Variants in SNAPC4 observed in about 807,000 individuals in gnomAD.
The protein encoded by SNAPC4 is small nuclear RNA activating complex polypeptide 4, also known as snRNA-activating protein complex subunit 4.
SNAPC4 carries 127 observed loss-of-function variants against 151.3 expected under a neutral mutation model. That is an observed-to-expected ratio of 0.84 (90% CI 0.73 to 0.97). SNAPC4 has a LOEUF of 0.97. Among genes scored for constraint, SNAPC4 ranks in the 50% least tolerant of loss-of-function variants. SNAPC4 has a pLI of 0.00. For synonymous variants in SNAPC4, 1,002 were observed against 824.4 expected (o/e 1.22, Z -3.69); for missense variants, 2,186 against 1,935.0 (o/e 1.13, Z -2.43).
chr9:136,398,546 G>T, intron 1 of SNAPC4, 109 bp from the exon 2 acceptor site: 2 of 1,234,920 alleles, frequency 1.6e-6, no homozygotes, highest in Non-Finnish European at 2.3e-6. Context: ...GCTCGGCAGT[G>T]GGCACTGGGC....
Position 136,378,482 on chromosome 9 carries a change from G to A in SNAPC4, c.3345C>T (p.Pro1115=). Residue 1115 remains proline, a synonymous_variant, in exon 22 of 24, where the codon CCC becomes CCT. Coordinates refer to ENST00000684778, the MANE Select transcript of SNAPC4 (RefSeq NM_003086.4). ...PAGLLATLLP[P]LTETRAAQGP... ...CCTGGGCCGCCCGAGTCTCAGTCAG[G>A]GGAGGCAGCAGAGTGGCCAGCAGCC... The A allele has an allele frequency of 6.3e-7, 1 of 1,591,490 alleles. No homozygotes were observed. The highest frequency in any genetic ancestry group is 8.5e-7 in the Non-Finnish European group (1 of 1,174,134).
chr9:136,377,907 G>C lies in SNAPC4; in HGVS notation c.3920C>G (p.Ala1307Gly). ...LGSRLPYQPP[A>G]LCSLRALSGL... ...GGACAGAGCTCGCAGGCTGCACAGGGCTGGGGGCTGATAGGGCAGTCTGCT... is the reference window on the plus strand; with the variant it reads ...GGACAGAGCTCGCAGGCTGCACAGGCCTGGGGGCTGATAGGGCAGTCTGCT... Residue 1307 changes from alanine to glycine, a missense_variant, in exon 22 of 24, where the codon GCC becomes GGC. Physicochemically the swap from Ala to Gly is moderately conservative, Grantham distance 60. Transcript: ENST00000684778. 2 of 1,610,994 alleles carry C rather than the reference G, an allele frequency of 1.2e-6. No individual in the cohort carries two copies. Among genetic ancestry groups the C allele is most frequent in the South Asian group, 1.1e-5 (1 of 91,054 alleles).
Position 136,388,376 on chromosome 9 carries a change from C to A in SNAPC4, c.1123+68G>T, listed in dbSNP as rs1833960577. ...GTTGCTTCTCTGTGAATTTTCCCTG[C>A]AAGTCTCCAGTGTCCTGATATGGGG... On this transcript the variant is annotated intron_variant, in intron 11 of 23. Transcript: ENST00000684778. The A allele has an allele frequency of 5.2e-6, 8 of 1,524,152 alleles. No individual in the cohort carries two copies. The African/African-American group carries it at 5.5e-5, about 10-fold the overall frequency. 94.4% of individuals were successfully genotyped at this position (1,524,152 alleles called of 1,614,324 possible). A position where few individuals can be genotyped will look rare whatever the true frequency, so the allele number is the denominator to read the frequency against.
chr9:136,388,267 CAAA>C (rs35543525), intron 11 of SNAPC4, among the ~76,000 whole-genome samples, 174 bp downstream of exon 11: 2 of 108,872 alleles, frequency 1.8e-5, no homozygotes, highest in African/African-American at 3.7e-5. Flanking sequence ...AACTCCATCT[CAAA>C]AAAAAAAAAA....
At position 136,377,912 on chromosome 9, in the gene SNAPC4, G is replaced by C; in HGVS notation, c.3915C>G (p.Pro1305=). Residue 1305 remains proline, a synonymous_variant, in exon 22 of 24, where the codon CCC becomes CCG. Coordinates refer to ENST00000684778, the MANE Select transcript of SNAPC4 (RefSeq NM_003086.4). ...PLLGSRLPYQ[P]PALCSLRALS... ...GAGCTCGCAGGCTGCACAGGGCTGG[G>C]GGCTGATAGGGCAGTCTGCTGCCCA... is the stretch of plus-strand genomic sequence containing the variant. 6.2e-7 allele frequency: 1 copy of C among 1,610,642 alleles called. No individual in the cohort carries two copies. The highest frequency in any genetic ancestry group is 1.7e-4 in the Middle Eastern group (1 of 5,938).
At chr9:136,380,667 C>G in intron 20 of SNAPC4, 73 bp downstream of exon 20, 1 of 840,130 alleles carries the variant, frequency 1.2e-6, no homozygotes, top group Non-Finnish European at 2.0e-6. Flanking sequence ...GGGCAGCCAG[C>G]CTCCGTGGAA....
chr9:136,392,977 G>A (rs12347633), intron 7 of SNAPC4, among the ~76,000 whole-genome samples, 200 bp from the exon 8 acceptor site: 1 of 152,334 alleles, frequency 6.6e-6, no homozygotes, highest in Non-Finnish European at 1.5e-5. Flanking sequence ...AAGGGCTGCA[G>A]TGTCTGCTGA....
At position 136,383,258 on chromosome 9, in the gene SNAPC4, A is replaced by G. The variant is rs1399681687; in HGVS notation, c.1911T>C (p.Pro637=). The G allele has an allele frequency of 1.2e-6, 2 of 1,607,782 alleles. No individual in the cohort carries two copies. Among genetic ancestry groups the G allele is most frequent in the East Asian group, 4.5e-5 (2 of 44,798 alleles). ...PVQVPARAHG[P]VPRSAQASHS... is the part of the protein sequence containing the mutation. ...GGGAGGCCTGGGCAGACCTCGGGACAGGGCCGTGGGCCCTGGCAGGGACCT... is the reference window on the plus strand; with the variant it reads ...GGGAGGCCTGGGCAGACCTCGGGACGGGGCCGTGGGCCCTGGCAGGGACCT... The change falls in exon 16 of 24, where the codon CCT becomes CCC. Residue 637 remains proline, a synonymous_variant. Transcript: ENST00000684778. This position sits in a 1 kb window ranked among gnomAD's most constrained non-coding sequence, Gnocchi z 4.2.
At chr9:136,384,865 C>T (rs1268184165) in intron 13 of SNAPC4, 51 bp from the exon 14 acceptor site, 16 of 957,362 alleles carry the variant, frequency 1.7e-5, no homozygotes, top group Non-Finnish European at 2.1e-5. Context: ...AGACGCCGCC[C>T]GCTGCTGCCC....
At chr9:136,394,700 C>T (rs1834197937) in intron 6 of SNAPC4, 100 bp downstream of exon 6, 5 of 1,085,862 alleles carry the variant, frequency 4.6e-6, no homozygotes, top group South Asian at 4.1e-5. Context: ...GAGGTCACAA[C>T]AGAGAGAGGT....
chr9:136,398,453 A>C lies in SNAPC4; in HGVS notation c.-9-16T>G. Reference sequence around the variant, plus strand: ...TGACTCCCGCCTGCCTCCAAAACACACCCCGAGATGTTAGAAACCAAGACC... The same window carrying C: ...TGACTCCCGCCTGCCTCCAAAACACCCCCCGAGATGTTAGAAACCAAGACC... On this transcript the variant is annotated splice_polypyrimidine_tract_variant and intron_variant, in intron 1 of 23. Transcript: ENST00000684778. 2.5e-6 allele frequency: 4 copies of C among 1,601,650 alleles called. No homozygotes were observed. The highest frequency in any genetic ancestry group is 1.7e-5 in the Admixed American group (1 of 58,408).
At chr9:136,399,055 TCAA>T (rs1450926189) in intron 1 of SNAPC4, among the ~76,000 whole-genome samples, 1 of 152,210 alleles carries the variant, frequency 6.6e-6, no homozygotes, top group Non-Finnish European at 1.5e-5. Flanking sequence ...CAAATGTTTG[TCAA>T]GCTTTTTTCT....
intron 1 of SNAPC4, chr9:136,398,776 G>T: frequency 4.3e-6 from 1 of 232,110 alleles, no homozygotes; most frequent in South Asian, 6.5e-5. Flanking sequence ...CATGGAAACT[G>T]GCCACCCAGC....
intron 2 of SNAPC4, among the ~76,000 whole-genome samples, 178 bp downstream of exon 2, chr9:136,398,121 T>C (rs1834338237): frequency 2.0e-5 from 3 of 152,072 alleles, no homozygotes; most frequent in African/African-American, 4.8e-5. Context: ...TTGTCCAGGC[T>C]GGACATGAAC....
Position 136,395,607 on chromosome 9 carries a change from T to C in SNAPC4, c.341A>G (p.Gln114Arg), listed in dbSNP as rs1834241431. The C allele has an allele frequency of 1.2e-6, 2 of 1,610,422 alleles. 1 individual carries two copies. Among genetic ancestry groups the C allele is most frequent in the Admixed American group, 3.3e-5 (2 of 59,918 alleles). ...GGGGGCCGAGGCCCATCCCACCTGCTGCTCCCGGTTCTGGGCCAGCAGCAG... is the reference window on the plus strand; with the variant it reads ...GGGGGCCGAGGCCCATCCCACCTGCCGCTCCCGGTTCTGGGCCAGCAGCAG... ...ANLLLAQNRE[Q>R]QEELMRDLAG... The change falls in exon 4 of 24, where the codon CAG (glutamine) becomes CGG (arginine). Residue 114 changes from glutamine to arginine, a missense_variant. Transcript: ENST00000684778.
At chr9:136,398,478 C>T (rs1157986945) in intron 1 of SNAPC4, 41 bp from the exon 2 acceptor site, 9 of 1,594,564 alleles carry the variant, frequency 5.6e-6, no homozygotes, top group Non-Finnish European at 7.7e-6. Flanking sequence ...AAACCAAGAC[C>T]GTGCCGGGAT....
At position 136,383,539 on chromosome 9, in the gene SNAPC4, CCTCGCT is replaced by C. The variant is rs752600922; in HGVS notation, c.1624_1629del (p.Ser542_Glu543del). 1.9e-6 allele frequency: 3 copies of C among 1,592,378 alleles called. No homozygotes were observed. The highest frequency in any genetic ancestry group is 1.8e-5 in the Admixed American group (1 of 56,542). On this transcript the variant is annotated inframe_deletion, in exon 16 of 24. Coordinates refer to ENST00000684778, the MANE Select transcript of SNAPC4 (RefSeq NM_003086.4). The surrounding 1 kb of genome is among the most constrained non-coding windows in gnomAD (Gnocchi z 4.2). ...GCCTGCGCCTGCTCTGGCTCGTCCT[CCTCGCT>C]GCTGCTGCTGCTGCTGCTGCTGCTC...
At chr9:136,391,179 G>C (rs1421023636) in intron 10 of SNAPC4, among the ~76,000 whole-genome samples, 1 of 152,194 alleles carries the variant, frequency 6.6e-6, no homozygotes, top group African/African-American at 2.4e-5. Flanking sequence ...AGCTGATATA[G>C]AGTAGGCCCT....
At chr9:136,395,277 A>G in intron 5 of SNAPC4, 21 bp downstream of exon 5, 3 of 1,610,254 alleles carry the variant, frequency 1.9e-6, no homozygotes, top group Non-Finnish European at 2.5e-6. Flanking sequence ...TGCCGACAAG[A>G]GCAGGGCCTC....
Sources: allele counts gnomAD v4.1 joint callset (sites outside exome capture counted in the v4.1 genomes callset), GRCh38; gene constraint gnomAD v4.1.1; non-coding constraint Gnocchi (gnomAD v3.1); transcripts MANE v1.5; gene names NCBI Gene and HGNC (gene_info 2026-07-23, HGNC 2026-07-21).